The following JPH3 variants were observed in gnomAD, a reference collection of about 807,000 sequenced individuals.
The protein encoded by JPH3 is junctophilin 3, also known as junctophilin-3.
In JPH3, 11 loss-of-function variants were observed where a neutral mutation model predicts 59.6. The observed-to-expected ratio is 0.18, with a 90% CI of 0.12 to 0.31. The LOEUF (loss-of-function observed/expected upper bound fraction) is 0.31. Ranked by LOEUF, JPH3 falls within the 10% of genes least tolerant of loss-of-function variation. The pLI, the probability that JPH3 is intolerant of heterozygous loss-of-function variation, is 1.00. For synonymous variants in JPH3, 673 were observed against 483.6 expected (o/e 1.39, Z -5.14); for missense variants, 1,202 against 1,105.7 (o/e 1.09, Z -1.24).
At position 87,644,460 on chromosome 16, in the gene JPH3, C is replaced by T. The variant is rs779032353; in HGVS notation, c.585C>T (p.Gly195=). 1 of 1,612,592 alleles carries T rather than the reference C, an allele frequency of 6.2e-7. No individual in the cohort carries two copies. The highest frequency in any genetic ancestry group is 1.3e-5 in the African/African-American group (1 of 75,060). Residue 195 remains glycine, a synonymous_variant, in exon 2 of 5, where the codon GGC becomes GGT. Transcript: ENST00000284262. ...GCAGCCCGGCCGTGTCCCGCGGGGGCTTCGTGCTCGTGGCCCACAGTGACT... is the reference window on the plus strand; with the variant it reads ...GCAGCCCGGCCGTGTCCCGCGGGGGTTTCGTGCTCGTGGCCCACAGTGACT... ...VAGSPAVSRG[G]FVLVAHSDSE...
chr16:87,617,311 C>T (rs1019933516), intron 1 of JPH3, among the ~76,000 whole-genome samples: 2 of 152,102 alleles, frequency 1.3e-5, no homozygotes, highest in Admixed American at 6.5e-5. Context: ...GTGGATGGGC[C>T]GTTTGTTTAA....
At chr16:87,655,260 G>A (rs758623952) in intron 2 of JPH3, among the ~76,000 whole-genome samples, 6 of 152,188 alleles carry the variant, frequency 3.9e-5, no homozygotes, top group African/African-American at 1.2e-4. Flanking sequence ...CAGGCCCTCC[G>A]GCCTCCCTGC....
intron 2 of JPH3, among the ~76,000 whole-genome samples, chr16:87,650,440 A>G (rs1481502363): frequency 6.6e-6 from 1 of 152,316 alleles, no homozygotes; most frequent in South Asian, 2.1e-4. Flanking sequence ...GCCAGTTAAT[A>G]ACACTCCAAT....
chr16:87,665,989 T>A (rs1391326620), intron 2 of JPH3, among the ~76,000 whole-genome samples: 1 of 152,142 alleles, frequency 6.6e-6, no homozygotes, highest in Non-Finnish European at 1.5e-5. Flanking sequence ...TAAACCAGGG[T>A]GTGCAGAGGC....
At chr16:87,655,918 C>T (rs1410367532) in intron 2 of JPH3, among the ~76,000 whole-genome samples, 1 of 152,244 alleles carries the variant, frequency 6.6e-6, no homozygotes, top group Admixed American at 6.5e-5. Context: ...CTGCTGCTGT[C>T]ACTGCGCCGT....
At chr16:87,635,545 T>A (rs1455633069) in intron 1 of JPH3, among the ~76,000 whole-genome samples, 1 of 152,162 alleles carries the variant, frequency 6.6e-6, no homozygotes, top group East Asian at 1.9e-4. Context: ...GCTGAGTGAC[T>A]GTCCCAGCGG....
At chr16:87,634,995 C>A (rs2031687618) in intron 1 of JPH3, among the ~76,000 whole-genome samples, 1 of 152,170 alleles carries the variant, frequency 6.6e-6, no homozygotes, top group Admixed American at 6.5e-5. Flanking sequence ...GAAAGGTGAC[C>A]TCCGCCTGCA....
In JPH3 at chr16:87,638,920, C is replaced by T. The variant is rs575561243; in HGVS notation, c.383-5338C>T. On this transcript the variant is annotated intron_variant, in intron 1 of 4. Coordinates refer to ENST00000284262, the MANE Select transcript of JPH3 (RefSeq NM_020655.4). ...CAGGATGTGAAGTGTGGCCCCCAGC[C>T]TGGTGCCTTTGCAGTGGGCCCAGGA... Among the ~76,000 whole-genome samples, 457 of 152,244 alleles carry T rather than the reference C, an allele frequency of 3.0e-3. 5 individuals carry two copies. Among genetic ancestry groups the T allele is most frequent in the African/African-American group, 0.011 (444 of 41,536 alleles).
chr16:87,626,457 G>A (rs116008553), intron 1 of JPH3, among the ~76,000 whole-genome samples: 84 of 152,336 alleles, frequency 5.5e-4, no homozygotes, highest in African/African-American at 1.7e-3. Context: ...CCAGGAGACC[G>A]AGGCCTGTGA....
rs529881816 is a variant in JPH3 at position 87,675,178 on chromosome 16, C to T, written c.1161-8964C>T. ...ACCCCCCAGCTGGCAGAAGCTTTCA[C>T]CCCCCGCCCCTCCCCCGCCGTTTCC... On this transcript the variant is annotated intron_variant, in intron 2 of 4. Transcript: ENST00000284262. Among the ~76,000 whole-genome samples, 660 of 109,804 alleles carry T rather than the reference C, an allele frequency of 6.0e-3. 3 individuals carry two copies. Among genetic ancestry groups the T allele is most frequent in the Non-Finnish European group, 0.01 (548 of 54,522 alleles). 72.0% of individuals were successfully genotyped at this position (109,804 alleles called of 152,430 possible).
At chr16:87,691,552 T>C (rs1386412306) in intron 4 of JPH3, among the ~76,000 whole-genome samples, 1 of 152,014 alleles carries the variant, frequency 6.6e-6, no homozygotes, top group Non-Finnish European at 1.5e-5. Flanking sequence ...CAGGGGTCGG[T>C]GTCTGTCCCT....
intron 1 of JPH3, chr16:87,604,775 G>C: frequency 1.6e-6 from 1 of 641,398 alleles, no homozygotes. Context: ...AGCAGGGTTC[G>C]TTATTACCCG....
intron 4 of JPH3, chr16:87,696,062 A>AG (rs767270778): frequency 6.1e-5 from 28 of 455,966 alleles, no homozygotes; most frequent in African/African-American, 2.4e-4. Context: ...AGGTGTGGTG[A>AG]GGGGGGGTTT....
At chr16:87,614,971 C>T (rs1415427868) in intron 1 of JPH3, among the ~76,000 whole-genome samples, 1 of 68,300 alleles carries the variant, frequency 1.5e-5, no homozygotes, top group African/African-American at 6.5e-5. Context: ...CCTGCACACA[C>T]GAGGAGCCGC....
At chr16:87,613,137 C>A (rs1390081488) in intron 1 of JPH3, among the ~76,000 whole-genome samples, 1 of 143,768 alleles carries the variant, frequency 7.0e-6, no homozygotes, top group African/African-American at 2.6e-5. Context: ...CACTCTGTCG[C>A]CTAGGCTGGA....
chr16:87,696,782 A>T lies in JPH3; in HGVS notation c.*122A>T, dbSNP rs1035656297. 1 of 769,412 alleles carries T rather than the reference A, an allele frequency of 1.3e-6. No individual in the cohort carries two copies. The allele number at this position is 769,412 out of a possible 1,614,324, so 47.7% of individuals were successfully genotyped here. ...AGCCCAGCGACTTCCAAGTCCTCTCACAGAAGAACCACACGATTGGGTATC... is the reference window on the plus strand; with the variant it reads ...AGCCCAGCGACTTCCAAGTCCTCTCTCAGAAGAACCACACGATTGGGTATC... On this transcript the variant is annotated 3_prime_UTR_variant, in exon 5 of 5. Transcript: ENST00000284262.
At chr16:87,658,047 C>G (rs1040253377) in intron 2 of JPH3, among the ~76,000 whole-genome samples, 4 of 152,156 alleles carry the variant, frequency 2.6e-5, no homozygotes, top group Non-Finnish European at 5.9e-5. Context: ...GGCCCACACC[C>G]TGGTCTTCAC....
At chr16:87,635,610 G>A (rs993356669) in intron 1 of JPH3, among the ~76,000 whole-genome samples, 1 of 152,232 alleles carries the variant, frequency 6.6e-6, no homozygotes, top group Non-Finnish European at 1.5e-5. Context: ...GGCCATGCCA[G>A]CCTGGCAGAA....
intron 2 of JPH3, among the ~76,000 whole-genome samples, chr16:87,647,585 G>A (rs1425026370): frequency 5.9e-5 from 9 of 152,188 alleles, no homozygotes; most frequent in Admixed American, 3.3e-4. Flanking sequence ...CGGGCGTCGC[G>A]GGGAGGGAGG....
Sources: allele counts gnomAD v4.1 joint callset (sites outside exome capture counted in the v4.1 genomes callset), GRCh38; gene constraint gnomAD v4.1.1; transcripts MANE v1.5; gene names NCBI Gene and HGNC (gene_info 2026-07-23, HGNC 2026-07-21).